USP33: variants seen among roughly 807,000 people sequenced by gnomAD.
USP33 encodes ubiquitin specific peptidase 33, also known as ubiquitin carboxyl-terminal hydrolase 33.
A neutral mutation model predicts 124.2 loss-of-function variants in USP33; 46 were observed. The observed-to-expected ratio is 0.37, with a 90% confidence interval of 0.29 to 0.47. USP33 has a LOEUF of 0.47. Ranked by LOEUF, USP33 falls within the 20% of genes least tolerant of loss-of-function variation. The pLI is 0.99. For synonymous variants in USP33, 350 were observed against 352.3 expected (o/e 0.99, Z 0.07); for missense variants, 851 against 1,070.6 (o/e 0.79, Z 2.86).
intron 1 of USP33, 127 bp from the exon 2 acceptor site, chr1:77,741,875 TAA>T (rs1679162965): frequency 7.4e-6 from 7 of 941,024 alleles, no homozygotes; most frequent in Middle Eastern, 3.6e-4. Context: ...AAGAATGATA[TAA>T]GTTTGCCCTG....
intron 1 of USP33, among the ~76,000 whole-genome samples, chr1:77,744,673 G>A (rs985764602): frequency 3.3e-5 from 5 of 151,990 alleles, no homozygotes; most frequent in African/African-American, 9.7e-5. Context: ...GCGAGACCTC[G>A]TCTCTACTAA....
chr1:77,706,198 T>C (rs929395946), intron 21 of USP33, among the ~76,000 whole-genome samples: 2 of 152,224 alleles, frequency 1.3e-5, no homozygotes, highest in East Asian at 1.9e-4. Context: ...GGTCATGTAC[T>C]AGGAGTTGAA....
Position 77,711,860 on chromosome 1 carries a change from A to G in USP33, c.2298-5T>C. On this transcript the variant is annotated splice_polypyrimidine_tract_variant and splice_region_variant and intron_variant, in intron 20 of 23. Coordinates refer to ENST00000370794, the MANE Select transcript of USP33 (RefSeq NM_201624.3). ...ACAGCTGGTCCTCCACCATACCTAA[A>G]GCATGAAAAATTTAAGAATTAATGT... 2.5e-6 allele frequency: 4 copies of G among 1,585,752 alleles called. No homozygotes were observed. The highest frequency in any genetic ancestry group is 1.2e-5 in the South Asian group (1 of 83,666).
At position 77,696,157 on chromosome 1, in the gene USP33, C is replaced by T. The variant is rs1226558681; in HGVS notation, c.*1160G>A. The T allele has an allele frequency of 6.6e-6, 1 of 152,150 alleles. No individual in the cohort carries two copies. The allele number at this position is 152,150 out of a possible 1,614,324, so 9.4% of individuals were successfully genotyped here. ...AGTTAAACTTTTGACATTACATAATCAAGCAAATAGCAGTGCATACTATAT... is the reference window on the plus strand; with the variant it reads ...AGTTAAACTTTTGACATTACATAATTAAGCAAATAGCAGTGCATACTATAT... On this transcript the variant is annotated 3_prime_UTR_variant, in exon 24 of 24. Transcript: ENST00000370794.
intron 5 of USP33, among the ~76,000 whole-genome samples, chr1:77,737,427 A>G (rs6701361): frequency 0.041 from 6,259 of 152,330 alleles, 156 homozygotes; most frequent in Middle Eastern, 0.078. Context: ...AGAGGCTTAA[A>G]TCACCTGAAA....
intron 22 of USP33, among the ~76,000 whole-genome samples, chr1:77,699,195 T>C (rs541807665): frequency 1.3e-5 from 2 of 152,270 alleles, no homozygotes; most frequent in Admixed American, 1.3e-4. Flanking sequence ...TGAGATACCA[T>C]GTCACATCAG....
intron 21 of USP33, among the ~76,000 whole-genome samples, chr1:77,704,863 T>A (rs1557813187): frequency 6.6e-6 from 1 of 152,214 alleles, no homozygotes; most frequent in African/African-American, 2.4e-5. Context: ...CTACACTCAC[T>A]GCTCTACCCA....
Position 77,739,378 on chromosome 1 carries a change from G to C in USP33, c.238C>G (p.Arg80Gly). 6.2e-7 allele frequency: 1 copy of C among 1,613,348 alleles called. No individual in the cohort carries two copies. The highest frequency in any genetic ancestry group is 8.5e-7 in the Non-Finnish European group (1 of 1,179,692). ...HYLTVNLTTL[R>G]VWCYACSKEV... ...TTGCTGCAAGCATAACACCATACTC[G>C]AAGAGTGGTAAGGTTCACAGTTAGA... Residue 80 changes from arginine to glycine, a missense_variant, in exon 5 of 24, where the codon CGA becomes GGA. Coordinates refer to ENST00000370794, the MANE Select transcript of USP33 (RefSeq NM_201624.3).
At chr1:77,718,940 A>G (rs1354643973) in intron 15 of USP33, among the ~76,000 whole-genome samples, 1 of 151,536 alleles carries the variant, frequency 6.6e-6, no homozygotes, top group Non-Finnish European at 1.5e-5. Flanking sequence ...AAAAAAAAAA[A>G]AAAAAGAAAG....
At chr1:77,736,655 G>A (rs908141570) in intron 5 of USP33, among the ~76,000 whole-genome samples, 1 of 151,772 alleles carries the variant, frequency 6.6e-6, no homozygotes, top group South Asian at 2.1e-4. Context: ...CTGTTGCCAG[G>A]CTGGAGTGCA....
chr1:77,750,622 A>G (rs1040214462), intron 1 of USP33, among the ~76,000 whole-genome samples: 4 of 134,338 alleles, frequency 3.0e-5, no homozygotes, highest in African/African-American at 1.2e-4. Flanking sequence ...ACCCTGACTT[A>G]AAAAAGAAAG....
At chr1:77,700,580 C>T (rs1021210771) in intron 22 of USP33, among the ~76,000 whole-genome samples, 17 of 152,060 alleles carry the variant, frequency 1.1e-4, no homozygotes, top group Admixed American at 2.6e-4. Context: ...TGTACTTAAA[C>T]CTGGGCAACA....
At chr1:77,738,899 C>T (rs564516880) in intron 5 of USP33, among the ~76,000 whole-genome samples, 22 of 151,986 alleles carry the variant, frequency 1.4e-4, no homozygotes, top group African/African-American at 4.1e-4. Flanking sequence ...GAGGAGAGAA[C>T]GGGGAAGAGA....
intron 4 of USP33, among the ~76,000 whole-genome samples, chr1:77,740,543 A>T (rs1474626373): frequency 2.0e-5 from 3 of 152,086 alleles, no homozygotes; most frequent in African/African-American, 7.2e-5. Context: ...TTTAATAGAG[A>T]CAGGGTTTCG....
At chr1:77,748,626 G>A (rs557950807) in intron 1 of USP33, among the ~76,000 whole-genome samples, 12 of 149,944 alleles carry the variant, frequency 8.0e-5, no homozygotes, top group East Asian at 2.0e-4. Flanking sequence ...CCAAGATTGC[G>A]TCACTGCACT....
At chr1:77,742,603 C>T (rs1679251835) in intron 1 of USP33, among the ~76,000 whole-genome samples, 2 of 152,114 alleles carry the variant, frequency 1.3e-5, no homozygotes, top group Non-Finnish European at 2.9e-5. Flanking sequence ...TCAAGTAAAG[C>T]GAGTGATTTC....
chr1:77,702,571 C>A (rs562346300), intron 21 of USP33, among the ~76,000 whole-genome samples: 7 of 152,088 alleles, frequency 4.6e-5, no homozygotes, highest in African/African-American at 1.2e-4. Context: ...TCTTCCAGCC[C>A]TCAGGCCTAA....
intron 22 of USP33, among the ~76,000 whole-genome samples, chr1:77,700,495 A>G (rs368215171): frequency 1.3e-5 from 2 of 152,112 alleles, no homozygotes; most frequent in African/African-American, 2.4e-5. Flanking sequence ...TGTAGTCCCA[A>G]CTACTCAGGA....
At chr1:77,751,249 G>A (rs1484138147) in intron 1 of USP33, among the ~76,000 whole-genome samples, 4 of 152,104 alleles carry the variant, frequency 2.6e-5, no homozygotes, top group Non-Finnish European at 2.9e-5. Flanking sequence ...CACCAATAAT[G>A]ATGGCAGCAA....
Sources: gnomAD v4.1 joint callset for allele counts (sites outside exome capture counted in the v4.1 genomes callset) on GRCh38, gnomAD v4.1.1 for gene constraint, MANE v1.5 for transcripts, NCBI Gene and HGNC (gene_info 2026-07-23, HGNC 2026-07-21) for gene names.